EMSY: variants seen among roughly 807,000 people sequenced by gnomAD.
The protein encoded by EMSY is EMSY transcriptional repressor, BRCA2 interacting.
In EMSY, 26 loss-of-function variants were observed where a neutral mutation model predicts 134.6. That is an observed-to-expected ratio of 0.19 (90% CI 0.14 to 0.27). The LOEUF (loss-of-function observed/expected upper bound fraction) is 0.27. Among genes scored for constraint, EMSY ranks in the 10% least tolerant of loss-of-function variants. The pLI is 1.00. For synonymous variants in EMSY, 579 were observed against 577.8 expected (o/e 1.00, Z -0.03); for missense variants, 1,305 against 1,611.4 (o/e 0.81, Z 3.26).
intron 12 of EMSY, 50 bp from the exon 14 acceptor site, chr11:76,526,412 A>T: frequency 7.4e-7 from 1 of 1,359,032 alleles, no homozygotes. Flanking sequence ...AGAGGACTTT[A>T]TCATTTATAT....
intron 8 of EMSY, among the ~76,000 whole-genome samples, chr11:76,479,847 C>T (rs913967194): frequency 3.3e-5 from 5 of 152,108 alleles, no homozygotes; most frequent in Non-Finnish European, 5.9e-5. Flanking sequence ...ATTTCGATCA[C>T]GTATTGAAAA....
chr11:76,475,949 C>G (rs1483057805), intron 8 of EMSY, among the ~76,000 whole-genome samples: 1 of 152,188 alleles, frequency 6.6e-6, no homozygotes, highest in Non-Finnish European at 1.5e-5. Context: ...AGTGATGGTC[C>G]ACACTGCATT....
At chr11:76,445,084 T>A (rs1280111558) in exon 1 of EMSY, 1 of 152,996 alleles carries the variant, frequency 6.5e-6, no homozygotes, top group Non-Finnish European at 1.5e-5. Context: ...TGTCCCCTAG[T>A]CTTGGCGGAG....
chr11:76,487,933 C>G (rs1290549418), intron 8 of EMSY, among the ~76,000 whole-genome samples: 1 of 152,200 alleles, frequency 6.6e-6, no homozygotes, highest in Non-Finnish European at 1.5e-5. Flanking sequence ...GAGTATGACA[C>G]AAAACACAGG....
At chr11:76,480,679 A>T (rs1046321250) in intron 8 of EMSY, among the ~76,000 whole-genome samples, 1 of 152,182 alleles carries the variant, frequency 6.6e-6, no homozygotes, top group East Asian at 1.9e-4. Context: ...AGATCAACAC[A>T]GAAGGCAGGT....
chr11:76,457,233 C>T (rs1317280872), intron 4 of EMSY, among the ~76,000 whole-genome samples: 2 of 152,140 alleles, frequency 1.3e-5, no homozygotes, highest in Non-Finnish European at 2.9e-5. Context: ...CATACAGAGT[C>T]TTAAACTCTA....
chr11:76,542,745 C>CGTT (rs1555077833), intron 18 of EMSY, among the ~76,000 whole-genome samples: 1 of 129,214 alleles, frequency 7.7e-6, no homozygotes, highest in Non-Finnish European at 1.6e-5. Context: ...GTTTGTTTTT[C>CGTT]GTTTTTTGTT....
At chr11:76,491,184 T>C (rs1220937517) in intron 8 of EMSY, among the ~76,000 whole-genome samples, 6 of 148,344 alleles carry the variant, frequency 4.0e-5, no homozygotes, top group East Asian at 1.9e-4. Flanking sequence ...TTTCTTTTTT[T>C]TTTTTTTTTT....
At chr11:76,488,850 A>G (rs1190223698) in intron 8 of EMSY, among the ~76,000 whole-genome samples, 2 of 152,164 alleles carry the variant, frequency 1.3e-5, no homozygotes, top group Admixed American at 6.5e-5. Context: ...AGTTGAGTAC[A>G]TTTCAGGTTC....
intron 7 of EMSY, among the ~76,000 whole-genome samples, chr11:76,471,315 CTT>C (rs1371613379): frequency 2.6e-5 from 4 of 152,098 alleles, no homozygotes; most frequent in African/African-American, 7.2e-5. Context: ...TTCTCATTCT[CTT>C]TGTTTTGTTT....
chr11:76,462,885 G>A (rs1005180116), intron 6 of EMSY, among the ~76,000 whole-genome samples: 5 of 152,234 alleles, frequency 3.3e-5, no homozygotes, highest in Non-Finnish European at 7.3e-5. Context: ...GGCATGATGA[G>A]ATGTGAAATT....
intron 8 of EMSY, among the ~76,000 whole-genome samples, chr11:76,484,404 G>A (rs1320318216): frequency 1.3e-5 from 2 of 152,124 alleles, no homozygotes; most frequent in Non-Finnish European, 2.9e-5. Flanking sequence ...TAAGATCAGA[G>A]CAGAACTGAA....
At chr11:76,454,758 ATCC>A in intron 4 of EMSY, 1 of 1,466,272 alleles carries the variant, frequency 6.8e-7, no homozygotes. Flanking sequence ...GAATGAATTT[ATCC>A]TTATATTTGG....
At chr11:76,465,371 G>T (rs566192062) in intron 7 of EMSY, among the ~76,000 whole-genome samples, 1 of 152,076 alleles carries the variant, frequency 6.6e-6, no homozygotes, top group East Asian at 1.9e-4. Flanking sequence ...CTCTCTACCC[G>T]AGTTTTCTCG....
intron 9 of EMSY, 92 bp downstream of exon 10, chr11:76,496,561 T>C: frequency 7.1e-7 from 1 of 1,408,856 alleles, no homozygotes. Flanking sequence ...TGTCTCTTCA[T>C]TTATTTAGGT....
At chr11:76,450,731 A>G (rs1000127803) in intron 2 of EMSY, among the ~76,000 whole-genome samples, 6 of 150,898 alleles carry the variant, frequency 4.0e-5, no homozygotes, top group Non-Finnish European at 7.4e-5. Flanking sequence ...AGCTCAAGCA[A>G]TCCTCCTGCC....
intron 11 of EMSY, among the ~76,000 whole-genome samples, chr11:76,519,568 A>G (rs1950573822): frequency 1.3e-5 from 2 of 152,170 alleles, no homozygotes; most frequent in South Asian, 2.1e-4. Flanking sequence ...TCTTTAGTAC[A>G]GTGTCCAGGA....
rs775034547 is a variant in EMSY at position 76,544,618 on chromosome 11, T to C, written c.3069T>C (p.His1023=). The C allele has an allele frequency of 1.9e-6, 3 of 1,613,784 alleles. No homozygotes were observed. The African/African-American group carries it at 4.0e-5, about 22-fold the overall frequency. Reference sequence around the variant, plus strand: ...AGCCAGATGTACAGCACACACAGCATCCCATGGTGGCCAAAGACAGGCAGC... The same window carrying C: ...AGCCAGATGTACAGCACACACAGCACCCCATGGTGGCCAAAGACAGGCAGC... The change falls in exon 19 of 21, where the codon CAT becomes CAC. Residue 1023 remains histidine (H), a synonymous_variant. Coordinates refer to ENST00000334736, the Ensembl canonical transcript of EMSY.
chr11:76,545,861 C>G (rs1447622918), exon 20 of EMSY: 1 of 1,614,004 alleles, frequency 6.2e-7, no homozygotes, highest in African/African-American at 1.3e-5. Context: ...GGGCGCCAGC[C>G]TCCCACAGTT....
Sources: gnomAD v4.1 joint callset for allele counts (sites outside exome capture counted in the v4.1 genomes callset) on GRCh38, gnomAD v4.1.1 for gene constraint, MANE v1.5 for transcripts, NCBI Gene and HGNC (gene_info 2026-07-23, HGNC 2026-07-21) for gene names.